Variants in ADGRG6 observed in about 807,000 individuals in gnomAD.
ADGRG6 encodes adhesion G protein-coupled receptor G6, also known as G-protein coupled receptor 126.
In ADGRG6, 84 loss-of-function variants were observed where a neutral mutation model predicts 142.4. The ratio of observed to expected loss-of-function variants is 0.59; its 90% confidence interval spans 0.49 to 0.71. ADGRG6 has a LOEUF of 0.71. Among genes scored for constraint, ADGRG6 ranks in the 30% least tolerant of loss-of-function variants. The pLI is 0.00. For missense variants in ADGRG6, 1,367 were observed against 1,466.6 expected (o/e 0.93, Z 1.11); for synonymous variants, 521 against 520.5 (o/e 1.00, Z -0.01).
chr6:142,393,940 G>C lies in ADGRG6; in HGVS notation c.1406G>C (p.Ser469Thr), dbSNP rs950713147. ...GAGGACAAGATTAAAGTCAAGAGAA[G>C]CCTTGAGGATGAGCCAAGGTAACAG... Reference protein sequence around the residue: ...AGEDKIKVKRSLEDEPRLVLW... With the variant: ...AGEDKIKVKRTLEDEPRLVLW... Residue 469 changes from serine to threonine, a missense_variant, in exon 9 of 25, where the codon AGC becomes ACC. This residue lies in a region of ADGRG6 where 737 missense variants were observed against 746.5 expected (regional missense o/e 0.99). Coordinates refer to ENST00000367609, the MANE Select transcript of ADGRG6 (RefSeq NM_198569.3). 6.4e-7 allele frequency: 1 copy of C among 1,561,564 alleles called. No individual in the cohort carries two copies. The highest frequency in any genetic ancestry group is 8.7e-7 in the Non-Finnish European group (1 of 1,149,904).
At chr6:142,370,105 T>G in intron 3 of ADGRG6, 65 bp from the exon 4 acceptor site, 1 of 1,390,232 alleles carries the variant, frequency 7.2e-7, no homozygotes. Context: ...GCTTGATGTT[T>G]TGCATCACAT....
chr6:142,440,840 A>G, intron 24 of ADGRG6: 1 of 791,754 alleles, frequency 1.3e-6, no homozygotes, highest in Non-Finnish European at 2.1e-6. Context: ...GTCACTGCAT[A>G]TCATCATGGA....
intron 2 of ADGRG6, among the ~76,000 whole-genome samples, chr6:142,329,105 C>T (rs1028265621): frequency 3.9e-5 from 6 of 152,114 alleles, no homozygotes; most frequent in Non-Finnish European, 7.4e-5. Context: ...CATGGTACTT[C>T]CTGCCTTCTG....
At chr6:142,415,176 C>T in intron 19 of ADGRG6, 80 bp downstream of exon 19, 1 of 1,069,850 alleles carries the variant, frequency 9.3e-7, no homozygotes. Context: ...CTTTGAAAAA[C>T]ATTTATACAC....
intron 22 of ADGRG6, among the ~76,000 whole-genome samples, chr6:142,426,312 G>T (rs956440746): frequency 7.9e-5 from 12 of 152,148 alleles, no homozygotes; most frequent in Non-Finnish European, 1.6e-4. Flanking sequence ...TGCAATGGGA[G>T]AAATTGGCCA....
At chr6:142,385,259 T>C (rs1453561862) in intron 6 of ADGRG6, among the ~76,000 whole-genome samples, 1 of 152,178 alleles carries the variant, frequency 6.6e-6, no homozygotes, top group Non-Finnish European at 1.5e-5. Flanking sequence ...ATAACCTTCA[T>C]TGGAGTTTTA....
intron 22 of ADGRG6, among the ~76,000 whole-genome samples, chr6:142,434,486 G>A (rs558473402): frequency 4.4e-4 from 67 of 152,000 alleles, no homozygotes; most frequent in Middle Eastern, 3.4e-3. Context: ...CACCACATCC[G>A]GCTAATTTTT....
chr6:142,417,112 A>T (rs1211153710), intron 20 of ADGRG6, 161 bp from the exon 21 acceptor site: 2 of 679,354 alleles, frequency 2.9e-6, no homozygotes, highest in African/African-American at 1.8e-5. Flanking sequence ...TTTTGTTGTT[A>T]ACCAAGTTGC....
rs73777186 is a variant in ADGRG6, at chr6:142,375,613, T to C, written c.1069+4820T>C. Among the ~76,000 whole-genome samples, 220 of 152,316 alleles carry C rather than the reference T, an allele frequency of 1.4e-3. 1 individual carries two copies. Among genetic ancestry groups the C allele is most frequent in the African/African-American group, 5.1e-3 (213 of 41,570 alleles). The stretch of plus-strand genomic sequence containing the variant: ...ATTTTTTTTCCAGGAAATGAAAGCA[T>C]CTTGCTGTTTATGGTTATAATTTCC... On this transcript the variant is annotated intron_variant, in intron 4 of 24. Transcript: ENST00000367609.
At position 142,438,198 on chromosome 6, in the gene ADGRG6, A is replaced by AT. The variant is rs748773267; in HGVS notation, c.3422-4dup. ...TAAAGCAGATTGATAGGGTGATGTC[A>AT]TTTTTTTTTTCAGATTGGAGTAAGA... On this transcript the variant is annotated splice_polypyrimidine_tract_variant and intron_variant, in intron 23 of 24. Coordinates refer to ENST00000367609, the MANE Select transcript of ADGRG6 (RefSeq NM_198569.3). The AT allele has an allele frequency of 7.9e-3, 10,827 of 1,367,172 alleles. No individual in the cohort carries two copies. The highest frequency in any genetic ancestry group is 0.012 in the South Asian group (849 of 72,198). 84.7% of individuals were successfully genotyped at this position (1,367,172 alleles called of 1,614,324 possible).
At position 142,302,098 on chromosome 6, in the gene ADGRG6, C is replaced by T; in HGVS notation, c.-232C>T. On this transcript the variant is annotated 5_prime_UTR_variant, in exon 1 of 25. Transcript: ENST00000367609. ...CTTCCCTGCGAGGAGGGACCTGCCG[C>T]CAGCCTGCTTCCTCGTCCGCAGGCC... is the stretch of plus-strand genomic sequence containing the variant. The T allele has an allele frequency of 1.9e-6, 1 of 534,572 alleles. No individual in the cohort carries two copies. Among genetic ancestry groups the T allele is most frequent in the Non-Finnish European group, 3.3e-6 (1 of 304,906 alleles). 33.1% of individuals were successfully genotyped at this position (534,572 alleles called of 1,614,324 possible).
intron 7 of ADGRG6, 61 bp from the exon 8 acceptor site, chr6:142,392,887 T>G: frequency 9.1e-7 from 1 of 1,098,956 alleles, no homozygotes; most frequent in Non-Finnish European, 1.4e-6. Context: ...AGGTAGAAAC[T>G]TGAATTAGAT....
At chr6:142,334,352 C>T (rs1357212170) in intron 2 of ADGRG6, among the ~76,000 whole-genome samples, 1 of 152,144 alleles carries the variant, frequency 6.6e-6, no homozygotes, top group Non-Finnish European at 1.5e-5. Context: ...CACTTGTTAA[C>T]ACTAGGGAAT....
chr6:142,309,394 C>T, intron 1 of ADGRG6, 150 bp from the exon 2 acceptor site: 1 of 513,410 alleles, frequency 1.9e-6, no homozygotes, highest in Non-Finnish European at 3.4e-6. Flanking sequence ...ATCAAGTCGT[C>T]ATCATCTTTT....
chr6:142,390,867 A>G (rs1774858683), intron 7 of ADGRG6, among the ~76,000 whole-genome samples: 1 of 151,610 alleles, frequency 6.6e-6, no homozygotes, highest in Non-Finnish European at 1.5e-5. Context: ...ATAGATTCTT[A>G]TTTTCCTTCT....
At chr6:142,314,338 G>T (rs1401031234) in intron 2 of ADGRG6, among the ~76,000 whole-genome samples, 1 of 152,162 alleles carries the variant, frequency 6.6e-6, no homozygotes, top group African/African-American at 2.4e-5. Context: ...CCACTTAAAT[G>T]ATATTAGGAA....
At chr6:142,438,063 A>G (rs1009030920) in intron 23 of ADGRG6, 149 bp from the exon 24 acceptor site, 7 of 534,468 alleles carry the variant, frequency 1.3e-5, no homozygotes, top group Non-Finnish European at 2.3e-5. Context: ...ATATCCTCTT[A>G]TTGTTTACAT....
intron 15 of ADGRG6, among the ~76,000 whole-genome samples, chr6:142,407,346 G>C (rs1775860467): frequency 6.6e-6 from 1 of 151,916 alleles, no homozygotes; most frequent in African/African-American, 2.4e-5. Flanking sequence ...GCTAATAGCT[G>C]AGTTTAATAA....
intron 6 of ADGRG6, among the ~76,000 whole-genome samples, chr6:142,388,629 C>T (rs1487072148): frequency 6.6e-6 from 1 of 152,054 alleles, no homozygotes; most frequent in Non-Finnish European, 1.5e-5. Context: ...TACAGCTGGG[C>T]AAAATCATCT....
Sources: allele counts gnomAD v4.1 joint callset (sites outside exome capture counted in the v4.1 genomes callset), GRCh38; gene constraint gnomAD v4.1.1; regional missense constraint gnomAD v4.1.1; transcripts MANE v1.5; gene names NCBI Gene and HGNC (gene_info 2026-07-23, HGNC 2026-07-21).